The following PNLIP variants were observed in gnomAD, a reference collection of about 807,000 sequenced individuals.
PNLIP encodes the protein pancreatic triacylglycerol lipase.
Under a neutral mutation model 57.1 loss-of-function variants are expected in PNLIP, and 49 were observed. The observed-to-expected ratio is 0.86, with a 90% CI of 0.68 to 1.09. The LOEUF (loss-of-function observed/expected upper bound fraction) is 1.09, where lower values mean the gene tolerates loss of function less well. Among genes scored for constraint, PNLIP ranks in the 50% least tolerant of loss-of-function variants. The pLI is 0.00. For synonymous variants in PNLIP, 209 were observed against 200.4 expected, an observed-to-expected ratio of 1.04 and a Z score of -0.36; for missense variants, 503 against 570.2, an observed-to-expected ratio of 0.88 and a Z score of 1.20.
chr10:116,551,568 C>T (rs1847194330), intron 5 of PNLIP, among the ~76,000 whole-genome samples: 2 of 152,198 alleles, frequency 1.3e-5, no homozygotes, highest in African/African-American at 4.8e-5. Flanking sequence ...TTTAGTTTTG[C>T]TTTCTTAAGA....
Position 116,567,752 on chromosome 10 carries a change from C to T in PNLIP, c.1352C>T (p.Pro451Leu). The T allele has an allele frequency of 6.2e-7, 1 of 1,613,940 alleles. No homozygotes were observed. Among genetic ancestry groups the T allele is most frequent in the Non-Finnish European group, 8.5e-7 (1 of 1,179,804 alleles). ...CTCCACAGGTTCAACTTCTGTAGTCCAGAAACCGTCAGGGAGGAAGTTCTG... is the reference window on the plus strand; with the variant it reads ...CTCCACAGGTTCAACTTCTGTAGTCTAGAAACCGTCAGGGAGGAAGTTCTG... ...NVGKQFNFCS[P>L]ETVREEVLLT... The change falls in exon 13 of 13, where the codon CCA becomes CTA. Residue 451 changes from proline (P) to leucine (L), a missense_variant. Physicochemically the swap from Pro to Leu is moderately conservative, Grantham distance 98. Transcript: ENST00000369221.
In PNLIP at chr10:116,547,270, TAATA is replaced by T; in HGVS notation, c.47-23_47-20del. The T allele has an allele frequency of 1.2e-6, 2 of 1,612,260 alleles. No individual in the cohort carries two copies. The highest frequency in any genetic ancestry group is 1.7e-6 in the Non-Finnish European group (2 of 1,178,324). On this transcript the variant is annotated intron_variant, in intron 2 of 12. Transcript: ENST00000369221. ...ATTAAAAAGAGCATGTTTGTAAAACTAATATCCTTCTGGGGGATTGCAGGAAAAG... is the reference window on the plus strand; with the variant it reads ...ATTAAAAAGAGCATGTTTGTAAAACTTCCTTCTGGGGGATTGCAGGAAAAG...
Position 116,548,321 on chromosome 10 carries a change from T to C in PNLIP, c.202-39T>C, listed in dbSNP as rs576662706. On this transcript the variant is annotated intron_variant, in intron 3 of 12. Transcript: ENST00000369221. ...ATGTACAAATGGTTCTATTGGCTAC[T>C]ATAGGAAACTGACATGAAACACTTT... 4.1e-5 allele frequency: 66 copies of C among 1,608,494 alleles called. 1 individual carries two copies. The South Asian group carries it at 6.3e-4, about 15-fold the overall frequency.
At chr10:116,561,703 A>ATT in intron 12 of PNLIP, 67 bp downstream of exon 12, 2 of 1,432,014 alleles carry the variant, frequency 1.4e-6, no homozygotes, top group Non-Finnish European at 1.9e-6. Context: ...TTCCCACTAA[A>ATT]AGTCTAATTT....
intron 2 of PNLIP, 150 bp from the exon 3 acceptor site, chr10:116,547,144 G>A: frequency 2.9e-6 from 2 of 697,242 alleles, no homozygotes; most frequent in South Asian, 3.4e-5. Flanking sequence ...GTTGTCTTTT[G>A]AAGCTGTTTT....
chr10:116,565,406 C>T (rs1847355519), intron 12 of PNLIP, among the ~76,000 whole-genome samples: 1 of 151,694 alleles, frequency 6.6e-6, no homozygotes, highest in South Asian at 2.1e-4. Context: ...AAAACTTACC[C>T]CACTGTATTT....
chr10:116,554,877 A>G (rs576749474), intron 6 of PNLIP, among the ~76,000 whole-genome samples: 1 of 152,252 alleles, frequency 6.6e-6, no homozygotes, highest in South Asian at 2.1e-4. Flanking sequence ...TCACAGTCTA[A>G]TGGGGACTAT....
At chr10:116,560,319 A>G in intron 10 of PNLIP, 97 bp from the exon 11 acceptor site, 1 of 640,228 alleles carries the variant, frequency 1.6e-6, no homozygotes, top group Non-Finnish European at 2.8e-6. Context: ...AATTATAAAT[A>G]AATTATTCAA....
Position 116,560,514 on chromosome 10 carries a change from G to A in PNLIP, c.1159G>A (p.Glu387Lys). 1 of 1,316,806 alleles carries A rather than the reference G, an allele frequency of 7.6e-7. No individual in the cohort carries two copies. Among genetic ancestry groups the A allele is most frequent in the Non-Finnish European group, 1.1e-6 (1 of 931,016 alleles). 81.6% of individuals were successfully genotyped at this position (1,316,806 alleles called of 1,614,324 possible). ...AAATAAAGGAAACTCTAAGCAGTAT[G>A]AAATTTTCAAGTGAGTAAAATAATA... ...FGNKGNSKQY[E>K]IFKGTLKPDS... Residue 387 changes from glutamate to lysine, a missense_variant, in exon 11 of 13, where the codon GAA becomes AAA. Coordinates refer to ENST00000369221, the MANE Select transcript of PNLIP (RefSeq NM_000936.4).
At chr10:116,550,053 CTTTTTTTTTTTT>C (rs1176488381) in intron 4 of PNLIP, among the ~76,000 whole-genome samples, 1 of 98,920 alleles carries the variant, frequency 1.0e-5, no homozygotes, top group East Asian at 3.0e-4. Flanking sequence ...TTCTCAAATT[CTTTTTTTTTTTT>C]TTTTTTTTTT....
At chr10:116,551,381 T>TA (rs891400745) in intron 5 of PNLIP, 149 bp downstream of exon 5, 32 of 534,214 alleles carry the variant, frequency 6.0e-5, no homozygotes, top group Middle Eastern at 5.2e-4. Context: ...AAAGAAAAAT[T>TA]AAAAAAAATC....
At chr10:116,549,489 CA>C (rs557261001) in intron 4 of PNLIP, among the ~76,000 whole-genome samples, 2 of 151,122 alleles carry the variant, frequency 1.3e-5, no homozygotes, top group South Asian at 2.1e-4. Flanking sequence ...AAAAAAAAAA[CA>C]AAAAAAGACA....
At chr10:116,562,463 C>T (rs1847324520) in intron 12 of PNLIP, among the ~76,000 whole-genome samples, 1 of 152,068 alleles carries the variant, frequency 6.6e-6, no homozygotes, top group Admixed American at 6.5e-5. Context: ...GCTTACTGCT[C>T]CGAGAGATTT....
chr10:116,551,338 T>TCTCTA, intron 5 of PNLIP, 106 bp downstream of exon 5: 1 of 769,890 alleles, frequency 1.3e-6, no homozygotes, highest in Non-Finnish European at 1.9e-6. Flanking sequence ...TAAAGACACT[T>TCTCTA]CTCTACTCAG....
chr10:116,550,717 A>G (rs561227809), intron 4 of PNLIP, among the ~76,000 whole-genome samples: 2 of 152,338 alleles, frequency 1.3e-5, no homozygotes, highest in South Asian at 4.1e-4. Context: ...ACCAGTGGAC[A>G]AGGTAAACAA....
chr10:116,547,896 A>T (rs1847147323), intron 3 of PNLIP, among the ~76,000 whole-genome samples: 1 of 152,068 alleles, frequency 6.6e-6, no homozygotes, highest in South Asian at 2.1e-4. Context: ...TTGTTTATAA[A>T]AGATTCATTA....
At chr10:116,563,242 G>A (rs1847332667) in intron 12 of PNLIP, among the ~76,000 whole-genome samples, 1 of 151,942 alleles carries the variant, frequency 6.6e-6, no homozygotes. Context: ...TTAGACTTTA[G>A]GAATAGTTCC....
chr10:116,548,128 A>G (rs762134463), intron 3 of PNLIP, among the ~76,000 whole-genome samples: 10 of 152,064 alleles, frequency 6.6e-5, no homozygotes, highest in Non-Finnish European at 1.3e-4. Context: ...GATCATTACC[A>G]CCAAGATTAT....
In PNLIP at chr10:116,560,510, G is replaced by A; in HGVS notation, c.1155G>A (p.Gln385=). The A allele has an allele frequency of 7.3e-7, 1 of 1,371,494 alleles. No individual in the cohort carries two copies. The highest frequency in any genetic ancestry group is 1.0e-6 in the Non-Finnish European group (1 of 979,812). The allele number at this position is 1,371,494 out of a possible 1,614,324, so 85.0% of individuals were successfully genotyped here. A position where few individuals can be genotyped will look rare whatever the true frequency, so the allele number is the denominator to read the frequency against. ...SLFGNKGNSK[Q]YEIFKGTLKP... ...TCGGAAATAAAGGAAACTCTAAGCAGTATGAAATTTTCAAGTGAGTAAAAT... is the reference window on the plus strand; with the variant it reads ...TCGGAAATAAAGGAAACTCTAAGCAATATGAAATTTTCAAGTGAGTAAAAT... The change falls in exon 11 of 13, where the codon CAG becomes CAA. Residue 385 remains glutamine, a synonymous_variant. Coordinates refer to ENST00000369221, the MANE Select transcript of PNLIP (RefSeq NM_000936.4).
Sources: gnomAD v4.1 joint callset for allele counts (sites outside exome capture counted in the v4.1 genomes callset) on GRCh38, gnomAD v4.1.1 for gene constraint, MANE v1.5 for transcripts, NCBI Gene and HGNC (gene_info 2026-07-23, HGNC 2026-07-21) for gene names.